The following SLC4A1AP variants were observed in gnomAD, a reference collection of about 807,000 sequenced individuals.
The protein encoded by SLC4A1AP is kanadaptin.
Under a neutral mutation model 89.7 loss-of-function variants are expected in SLC4A1AP, and 64 were observed. The observed-to-expected ratio is 0.71, with a 90% confidence interval of 0.58 to 0.88. The LOEUF is 0.88. Among genes scored for constraint, SLC4A1AP ranks in the 40% least tolerant of loss-of-function variants. The pLI is 0.00. For synonymous variants in SLC4A1AP, 366 were observed against 353.3 expected (o/e 1.04, Z -0.40); for missense variants, 931 against 965.0 (o/e 0.96, Z 0.47).
intron 2 of SLC4A1AP, among the ~76,000 whole-genome samples, chr2:27,666,575 A>G (rs574124469): frequency 6.7e-4 from 102 of 152,268 alleles, no homozygotes; most frequent in Non-Finnish European, 1.2e-3. Flanking sequence ...TTTGGCAGAT[A>G]TAAGAAGTAT....
chr2:27,673,345 C>G (rs1424479852), intron 5 of SLC4A1AP, among the ~76,000 whole-genome samples: 2 of 144,150 alleles, frequency 1.4e-5, no homozygotes, highest in African/African-American at 5.1e-5. Flanking sequence ...TTCTTTCTTT[C>G]TTTTTCTTTT....
At chr2:27,673,974 C>T (rs1462039150) in intron 5 of SLC4A1AP, among the ~76,000 whole-genome samples, 1 of 150,836 alleles carries the variant, frequency 6.6e-6, no homozygotes, top group Non-Finnish European at 1.5e-5. Flanking sequence ...CTCAGCATCA[C>T]CAGGACATAT....
rs1385046209 is a variant in SLC4A1AP, at chr2:27,677,487, C to A, written c.1576+123C>A. The A allele has an allele frequency of 9.7e-6, 7 of 723,014 alleles. No homozygotes were observed. The South Asian group carries it at 1.1e-4, about 11-fold the overall frequency. The allele number at this position is 723,014 out of a possible 1,614,324, so 44.8% of individuals were successfully genotyped here. A position where few individuals can be genotyped will look rare whatever the true frequency, so the allele number is the denominator to read the frequency against. On this transcript the variant is annotated intron_variant, in intron 7 of 13. Transcript: ENST00000613058. ...TGGAGCCTTTTAAAGGAGCAACATA[C>A]CGTTTTAGAACTAGAAAGAACATTA...
At chr2:27,675,585 G>C (rs1441785461) in exon 6 of SLC4A1AP, 2 of 1,609,760 alleles carry the variant, frequency 1.2e-6, no homozygotes, top group East Asian at 2.2e-5. Flanking sequence ...TTATGATAGT[G>C]ATGATGACAC....
In SLC4A1AP at chr2:27,694,646, A is replaced by G. The variant is rs762687983; in HGVS notation, c.2354A>G (p.Asp785Gly). ...TATTCTGATCTAGGTCAAAGTGGAG[A>G]TGGCAGAACCCATCTTAATGACAAG... Residue 785 changes from aspartate to glycine, a missense_variant, in exon 14 of 14, where the codon GAT becomes GGT. Coordinates refer to ENST00000613058, the Ensembl canonical transcript of SLC4A1AP. 1.3e-6 allele frequency: 2 copies of G among 1,575,376 alleles called. No individual in the cohort carries two copies. The highest frequency in any genetic ancestry group is 1.3e-5 in the African/African-American group (1 of 74,372).
intron 12 of SLC4A1AP, chr2:27,693,236 AT>A (rs35289345): frequency 4.2e-3 from 593 of 140,760 alleles, no homozygotes; most frequent in Middle Eastern, 7.3e-3. Context: ...CCAGCCTGTG[AT>A]TTTTTTTTTT....
chr2:27,670,692 C>CA (rs1184426467), intron 5 of SLC4A1AP, among the ~76,000 whole-genome samples: 6 of 150,026 alleles, frequency 4.0e-5, no homozygotes, highest in African/African-American at 1.5e-4. Context: ...CCGTCTCTAC[C>CA]AAAAATACAA....
At chr2:27,668,393 T>A (rs1245574958) in intron 3 of SLC4A1AP, among the ~76,000 whole-genome samples, 2 of 152,066 alleles carry the variant, frequency 1.3e-5, no homozygotes, top group African/African-American at 2.4e-5. Context: ...CTCGTGATCC[T>A]CCCATCTCGG....
intron 5 of SLC4A1AP, among the ~76,000 whole-genome samples, chr2:27,674,830 G>A (rs1471576937): frequency 6.7e-6 from 1 of 149,778 alleles, no homozygotes; most frequent in Non-Finnish European, 1.5e-5. Flanking sequence ...TCCTGCCTTA[G>A]CCTCCTGAGT....
At chr2:27,673,332 T>C (rs1436910079) in intron 5 of SLC4A1AP, among the ~76,000 whole-genome samples, 1 of 3,092 alleles carries the variant, frequency 3.2e-4, no homozygotes, top group African/African-American at 4.3e-4. Flanking sequence ...CTCTTTCTTT[T>C]CTTTCTTTCT....
At chr2:27,682,447 A>G in intron 9 of SLC4A1AP, 88 bp downstream of exon 9, 1 of 745,384 alleles carries the variant, frequency 1.3e-6, no homozygotes. Context: ...ACTACAAATG[A>G]CTCATTCCAT....
chr2:27,665,232 A>G (rs761222290), exon 2 of SLC4A1AP: 1 of 1,613,312 alleles, frequency 6.2e-7, no homozygotes, highest in Non-Finnish European at 8.5e-7. Context: ...GGAAATGGAT[A>G]CCTCTGAAAG....
At chr2:27,692,419 G>A (rs2148142394) in intron 12 of SLC4A1AP, 1 of 152,258 alleles carries the variant, frequency 6.6e-6, no homozygotes, top group South Asian at 2.1e-4. Context: ...TCTATCATAT[G>A]GTCTATCTTG....
intron 8 of SLC4A1AP, among the ~76,000 whole-genome samples, chr2:27,681,473 T>C (rs1018937546): frequency 9.9e-5 from 15 of 152,172 alleles, no homozygotes; most frequent in Admixed American, 3.9e-4. Context: ...GGCTGTCCCA[T>C]GGTCAATATG....
In SLC4A1AP at chr2:27,677,677, G is replaced by A. The variant is rs188304124; in HGVS notation, c.1577-61G>A. The A allele has an allele frequency of 1.2e-4, 161 of 1,381,688 alleles. No homozygotes were observed. In the African/African-American group the frequency reaches 2.2e-3, roughly 19 times the overall value. 85.6% of individuals were successfully genotyped at this position (1,381,688 alleles called of 1,614,324 possible). ...TAGTGACTTTTATATGGAAACTTTGGCTGAATTTTAAAATATTCAGGATCA... is the reference window on the plus strand; with the variant it reads ...TAGTGACTTTTATATGGAAACTTTGACTGAATTTTAAAATATTCAGGATCA... On this transcript the variant is annotated intron_variant, in intron 7 of 13. Coordinates refer to ENST00000613058, the Ensembl canonical transcript of SLC4A1AP.
intron 11 of SLC4A1AP, 74 bp downstream of exon 11, chr2:27,688,094 A>G: frequency 8.1e-7 from 1 of 1,231,126 alleles, no homozygotes; most frequent in Non-Finnish European, 1.2e-6. Flanking sequence ...AGGGGCTGGC[A>G]GCTGACCTGA....
intron 1 of SLC4A1AP, 85 bp downstream of exon 1, chr2:27,664,662 TCTC>T (rs1463506341): frequency 3.8e-6 from 4 of 1,042,014 alleles, no homozygotes; most frequent in Non-Finnish European, 4.3e-6. Flanking sequence ...GGAAGAAGAA[TCTC>T]CCACTCAGCG....
exon 5 of SLC4A1AP, chr2:27,669,276 C>G (rs768918092): frequency 6.2e-7 from 1 of 1,612,140 alleles, no homozygotes; most frequent in African/African-American, 1.3e-5. Context: ...AACTGGAAAA[C>G]AACTGGTGGC....
At chr2:27,667,495 G>T (rs935934533) in intron 3 of SLC4A1AP, 105 bp downstream of exon 3, 4 of 1,107,528 alleles carry the variant, frequency 3.6e-6, no homozygotes, top group African/African-American at 3.2e-5. Flanking sequence ...TAATTTTATT[G>T]CTGTCCTTCT....
Sources: allele counts gnomAD v4.1 joint callset (sites outside exome capture counted in the v4.1 genomes callset), GRCh38; gene constraint gnomAD v4.1.1; transcripts MANE v1.5; gene names NCBI Gene and HGNC (gene_info 2026-07-23, HGNC 2026-07-21).